The following MYO10 variants were observed in gnomAD, a reference collection of about 807,000 sequenced individuals.
The protein encoded by MYO10 is myosin X.
A neutral mutation model predicts 257.3 loss-of-function variants in MYO10; 133 were observed. That is an observed-to-expected ratio of 0.52 (90% confidence interval 0.45 to 0.60). The LOEUF (loss-of-function observed/expected upper bound fraction) is 0.60. Among genes scored for constraint, MYO10 ranks in the 20% least tolerant of loss-of-function variants. The probability of loss-of-function intolerance (pLI) is 0.00; values close to 1 mark genes in which losing one functional copy is unlikely to be tolerated. For synonymous variants in MYO10, 1,104 were observed against 1,028.6 expected (o/e 1.07, Z -1.40); for missense variants, 2,399 against 2,635.7 (o/e 0.91, Z 1.97).
intron 2 of MYO10, among the ~76,000 whole-genome samples, chr5:16,842,535 C>T (rs1157666622): frequency 6.6e-6 from 1 of 152,186 alleles, no homozygotes; most frequent in Non-Finnish European, 1.5e-5. Flanking sequence ...TCAGAAACCT[C>T]CCTTTCTGTC....
intron 2 of MYO10, among the ~76,000 whole-genome samples, chr5:16,820,470 G>A (rs971968182): frequency 6.6e-6 from 1 of 152,094 alleles, no homozygotes; most frequent in African/African-American, 2.4e-5. Context: ...GCCAGCTCCC[G>A]GCACACACCT....
chr5:16,823,066 A>G (rs1283155619), intron 2 of MYO10, among the ~76,000 whole-genome samples: 1 of 151,986 alleles, frequency 6.6e-6, no homozygotes, highest in Non-Finnish European at 1.5e-5. Context: ...TTGAACTATC[A>G]AAAGTCACCT....
intron 1 of MYO10, among the ~76,000 whole-genome samples, chr5:16,927,884 T>C (rs1002026410): frequency 1.3e-5 from 2 of 152,188 alleles, no homozygotes; most frequent in African/African-American, 4.8e-5. Flanking sequence ...GGTGGAAATA[T>C]TTTCTGAACA....
chr5:16,741,182 G>A (rs1431427117), intron 19 of MYO10, among the ~76,000 whole-genome samples: 7 of 152,082 alleles, frequency 4.6e-5, no homozygotes, highest in Admixed American at 4.6e-4. Context: ...CTCTACTTCG[G>A]GGAGTAAAGG....
At chr5:16,719,985 CGTGCGTGTGT>C (rs1561208119) in intron 19 of MYO10, among the ~76,000 whole-genome samples, 2 of 83,866 alleles carry the variant, frequency 2.4e-5, no homozygotes, top group African/African-American at 1.2e-4. Flanking sequence ...AATGTGTGTG[CGTGCGTGTGT>C]GTGTGTGTGT....
At position 16,670,538 on chromosome 5, in the gene MYO10, C is replaced by T. The variant is rs1223659932; in HGVS notation, c.5871G>A (p.Leu1957=). ...IKEWPGYGST[L]FDVECKEGGF... ...AGCCAGTTCTCACCTCCACATCAAA[C>T]AGCGTCGAGCCATAGCCAGGCCACT... The change falls in exon 39 of 41, where the codon CTG becomes CTA. Residue 1957 remains leucine, a synonymous_variant. Transcript: ENST00000513610. The T allele has an allele frequency of 6.2e-7, 1 of 1,604,984 alleles. No individual in the cohort carries two copies.
At chr5:16,787,549 T>TTTGTGTTTG (rs1416024862) in intron 4 of MYO10, among the ~76,000 whole-genome samples, 1 of 149,722 alleles carries the variant, frequency 6.7e-6, no homozygotes, top group African/African-American at 2.5e-5. Context: ...AACACAGGCT[T>TTTGTGTTTG]TGGCAAAAAT....
chr5:16,755,008 T>C (rs968948597), intron 18 of MYO10, 100 bp from the exon 19 acceptor site: 2 of 677,342 alleles, frequency 3.0e-6, no homozygotes, highest in Non-Finnish European at 4.7e-6. Context: ...AAAAACACAA[T>C]ATAAATCATA....
At chr5:16,704,998 C>T (rs1280951441) in intron 21 of MYO10, among the ~76,000 whole-genome samples, 2 of 152,306 alleles carry the variant, frequency 1.3e-5, no homozygotes, top group South Asian at 4.1e-4. Context: ...AGCTTCTCAA[C>T]ACTTAACACA....
chr5:16,693,955 G>A (rs560314652), intron 27 of MYO10, among the ~76,000 whole-genome samples: 1 of 152,176 alleles, frequency 6.6e-6, no homozygotes, highest in African/African-American at 2.4e-5. Flanking sequence ...GATTTATTTC[G>A]GAAAACTCCT....
At chr5:16,903,708 G>A (rs1333880699) in intron 1 of MYO10, among the ~76,000 whole-genome samples, 1 of 152,158 alleles carries the variant, frequency 6.6e-6, no homozygotes, top group East Asian at 1.9e-4. Context: ...CCTGAAAAAG[G>A]AATAGAAGCC....
intron 2 of MYO10, among the ~76,000 whole-genome samples, chr5:16,830,055 C>A (rs574499243): frequency 6.6e-6 from 1 of 152,152 alleles, no homozygotes; most frequent in African/African-American, 2.4e-5. Context: ...GCCTGGCCAA[C>A]GTGGTGAAAC....
At chr5:16,725,421 G>A (rs886394200) in intron 19 of MYO10, among the ~76,000 whole-genome samples, 2 of 152,032 alleles carry the variant, frequency 1.3e-5, no homozygotes, top group South Asian at 2.1e-4. Flanking sequence ...ATTGAAAATC[G>A]AGTAATAAAA....
chr5:16,934,286 G>C (rs1468354908), intron 1 of MYO10, among the ~76,000 whole-genome samples: 1 of 152,262 alleles, frequency 6.6e-6, no homozygotes, highest in Non-Finnish European at 1.5e-5. Flanking sequence ...TGCTCAGACA[G>C]GCTACAGGAG....
chr5:16,928,354 C>T (rs1746195211), intron 1 of MYO10, among the ~76,000 whole-genome samples: 1 of 152,096 alleles, frequency 6.6e-6, no homozygotes, highest in Non-Finnish European at 1.5e-5. Flanking sequence ...GTCACCACGC[C>T]CAGCTAATTT....
intron 33 of MYO10, among the ~76,000 whole-genome samples, chr5:16,676,988 A>G (rs1736755527): frequency 6.6e-6 from 1 of 152,224 alleles, no homozygotes; most frequent in South Asian, 2.1e-4. Context: ...TATTCTCTCT[A>G]TACCTGAAAA....
In MYO10 at chr5:16,855,446, G is replaced by T. The variant is rs75663873; in HGVS notation, c.120+22163C>A. On this transcript the variant is annotated intron_variant, in intron 2 of 40. Transcript: ENST00000513610. ...TTGGTGGAGGGAAAAAAAATAAAGCGAGATACATGTTTTAAATAAACTATC... is the reference window on the plus strand; with the variant it reads ...TTGGTGGAGGGAAAAAAAATAAAGCTAGATACATGTTTTAAATAAACTATC... 3.3e-5 allele frequency among the ~76,000 whole-genome samples: 5 copies of T among 152,142 alleles called. No individual in the cohort carries two copies. In the East Asian group the frequency reaches 5.8e-4, roughly 18 times the overall value.
At chr5:16,777,839 C>CCTTTTTTTTTTTTTTTTTTTTTTTTTTTT (rs1560979466) in intron 9 of MYO10, among the ~76,000 whole-genome samples, 3 of 88,482 alleles carry the variant, frequency 3.4e-5, no homozygotes, top group African/African-American at 1.6e-4. Context: ...TTGCATCTAA[C>CCTTTTTTTTTTTTTTTTTTTTTTTTTTTT]TTTTTTTTTT....
At chr5:16,802,475 G>C in intron 3 of MYO10, among the ~76,000 whole-genome samples, 1 of 151,710 alleles carries the variant, frequency 6.6e-6, no homozygotes, top group East Asian at 1.9e-4. Context: ...TGGCTAACAG[G>C]GTGAAACCCC....
Sources: gnomAD v4.1 joint callset for allele counts (sites outside exome capture counted in the v4.1 genomes callset) on GRCh38, gnomAD v4.1.1 for gene constraint, MANE v1.5 for transcripts, NCBI Gene and HGNC (gene_info 2026-07-23, HGNC 2026-07-21) for gene names.